DYRK4: variants seen among roughly 807,000 people sequenced by gnomAD.
DYRK4 encodes dual specificity tyrosine phosphorylation regulated kinase 4, also known as dual specificity tyrosine-phosphorylation-regulated kinase 4.
In DYRK4, 64 loss-of-function variants were observed where a neutral mutation model predicts 68.3. That is an observed-to-expected ratio of 0.94 (90% confidence interval 0.77 to 1.15). The LOEUF is 1.15. DYRK4 is among the 50% of genes most tolerant of loss of function. The pLI, the probability that DYRK4 is intolerant of heterozygous loss-of-function variation, is 0.00. For synonymous variants in DYRK4, 274 were observed against 289.9 expected (o/e 0.95, Z 0.56); for missense variants, 740 against 764.7 (o/e 0.97, Z 0.38).
At chr12:4,586,256 C>T (rs916759081) in intron 2 of DYRK4, among the ~76,000 whole-genome samples, 5 of 152,084 alleles carry the variant, frequency 3.3e-5, no homozygotes, top group Non-Finnish European at 7.3e-5. Flanking sequence ...CTCCTGTCCC[C>T]TCTAGAGGCA....
chr12:4,567,980 A>G lies in DYRK4; in HGVS notation c.64A>G (p.Arg22Gly). The change falls in exon 2 of 15, where the codon AGG becomes GGG. Residue 22 changes from arginine to glycine, a missense_variant. Arg to Gly is a moderately radical substitution (Grantham distance 125). Around this residue, in one of 3 missense-constraint regions of DYRK4, gnomAD observed 70 missense variants for 71.1 expected, o/e 0.98. Transcript: ENST00000543431. ...TKTQMDAKKP[R>G]KCDLTPFLVL... ...GACTCAAATGGATGCTAAAAAGCCA[A>G]GGAAATGTGATTTGACTCCCTTCCT... 6.5e-7 allele frequency: 1 copy of G among 1,536,156 alleles called. No homozygotes were observed. Among genetic ancestry groups the G allele is most frequent in the South Asian group, 1.2e-5 (1 of 84,068 alleles).
Position 4,591,022 on chromosome 12 carries a change from C to T in DYRK4, c.325-138C>T, listed in dbSNP as rs944167684. On this transcript the variant is annotated intron_variant, in intron 4 of 14. Transcript: ENST00000543431. This position sits in a 1 kb window ranked among gnomAD's most constrained non-coding sequence, Gnocchi z 4.1. ...GAGAGAGGTAGGGAGAACCTTCTGT[C>T]TCTTAATCGCTGTTTTCTCCCTGGA... is the stretch of plus-strand genomic sequence containing the variant. 2.0e-6 allele frequency: 2 copies of T among 998,694 alleles called. No homozygotes were observed. Among genetic ancestry groups the T allele is most frequent in the Non-Finnish European group, 2.9e-6 (2 of 691,362 alleles). The allele number at this position is 998,694 out of a possible 1,614,324, so 61.9% of individuals were successfully genotyped here. A position where few individuals can be genotyped will look rare whatever the true frequency, so the allele number is the denominator to read the frequency against.
Position 4,610,227 on chromosome 12 carries a change from C to G in DYRK4, c.1433C>G (p.Thr478Arg), listed in dbSNP as rs757322889. The G allele has an allele frequency of 1.9e-6, 3 of 1,599,476 alleles. No individual in the cohort carries two copies. Among genetic ancestry groups the G allele is most frequent in the Admixed American group, 3.5e-5 (2 of 57,094 alleles). ...KKRYPDSKDL[T>R]MVLKTYDTSF... ...AGATACCCAGATTCCAAGGACCTCA[C>G]GATGGTGCTGAAAACCTATGACACC... Residue 478 changes from threonine to arginine, a missense_variant, in exon 13 of 15, where the codon ACG (threonine) becomes AGG (arginine). Physicochemically the swap from Thr to Arg is moderately conservative, Grantham distance 71. Transcript: ENST00000543431.
chr12:4,593,183 C>T lies in DYRK4; in HGVS notation c.627+18C>T, dbSNP rs1244585577. On this transcript the variant is annotated intron_variant, in intron 6 of 14. Transcript: ENST00000543431. ...ATCTGAAGGTGATGGGGGTGGGGGCCATGGGAACCTGCAGGGGCCCAGGGA... is the reference window on the plus strand; with the variant it reads ...ATCTGAAGGTGATGGGGGTGGGGGCTATGGGAACCTGCAGGGGCCCAGGGA... 1 of 1,611,010 alleles carries T rather than the reference C, an allele frequency of 6.2e-7. No individual in the cohort carries two copies.
chr12:4,607,163 A>G (rs1426636984), intron 11 of DYRK4, among the ~76,000 whole-genome samples, 164 bp from the exon 12 acceptor site: 1 of 152,220 alleles, frequency 6.6e-6, no homozygotes, highest in Non-Finnish European at 1.5e-5. Flanking sequence ...TAGGAGTTAA[A>G]AGGCCCAGGC....
At chr12:4,573,038 C>G in intron 2 of DYRK4, 5 of 298,542 alleles carry the variant, frequency 1.7e-5, no homozygotes, top group East Asian at 1.0e-4. Context: ...GCTGAAGAGA[C>G]AGCAAACAGC....
intron 10 of DYRK4, among the ~76,000 whole-genome samples, chr12:4,600,207 A>C (rs1298148674): frequency 6.6e-6 from 1 of 152,146 alleles, no homozygotes; most frequent in East Asian, 1.9e-4. Context: ...ATTCTTTTTC[A>C]AGCTAGGATC....
chr12:4,588,534 TGCC>T (rs1348450695), intron 2 of DYRK4, among the ~76,000 whole-genome samples: 1 of 152,228 alleles, frequency 6.6e-6, no homozygotes, highest in African/African-American at 2.4e-5. Flanking sequence ...GGTTCCACTA[TGCC>T]ACCTTCAGAG....
Position 4,607,371 on chromosome 12 carries a change from GAGAC to G in DYRK4, c.1350_1353del (p.Gln450HisfsTer12). On this transcript the variant is annotated frameshift_variant, in exon 12 of 15. Transcript: ENST00000543431. LOFTEE classifies it high-confidence loss of function. Reference sequence around the variant, plus strand: ...CCGGCTTCATTCAGACAGCCTCCAGGAGACAGACATTCTTTGGTAAGTCCTAGTG... The same window carrying G: ...CCGGCTTCATTCAGACAGCCTCCAGGAGACATTCTTTGGTAAGTCCTAGTG... 6.2e-7 allele frequency: 1 copy of G among 1,614,206 alleles called. No homozygotes were observed. Among genetic ancestry groups the G allele is most frequent in the South Asian group, 1.1e-5 (1 of 91,080 alleles).
Position 4,612,602 on chromosome 12 carries a change from A to T in DYRK4, c.1550A>T (p.Gln517Leu). Residue 517 changes from glutamine to leucine, a missense_variant, in exon 14 of 15, where the codon CAG (glutamine) becomes CTG (leucine). Around this residue, in one of 3 missense-constraint regions of DYRK4, gnomAD observed 614 missense variants for 603.7 expected, o/e 1.02. Transcript: ENST00000543431. ...GCCCTCAAGCATGCTTGGATTCATC[A>T]GTCTCGGAACCTCAAGCCACAGCCC... ...DQALKHAWIH[Q>L]SRNLKPQPRP... 1.2e-6 allele frequency: 2 copies of T among 1,614,226 alleles called. No individual in the cohort carries two copies. The highest frequency in any genetic ancestry group is 1.1e-5 in the South Asian group (1 of 91,078).
At chr12:4,586,096 ACCTGTAG>A (rs1441531772) in intron 2 of DYRK4, among the ~76,000 whole-genome samples, 3 of 152,256 alleles carry the variant, frequency 2.0e-5, no homozygotes, top group East Asian at 1.9e-4. Context: ...GGTGGCATGC[ACCTGTAG>A]TCCCAGCTAC....
chr12:4,590,923 G>A (rs1484753883), intron 4 of DYRK4: 1 of 492,908 alleles, frequency 2.0e-6, no homozygotes, highest in African/African-American at 1.9e-5. Context: ...ATGTTGCTGG[G>A]GTTGTCAGCA....
intron 10 of DYRK4, 108 bp from the exon 11 acceptor site, chr12:4,604,806 T>G: frequency 1.4e-6 from 2 of 1,383,134 alleles, no homozygotes; most frequent in Non-Finnish European, 1.9e-6. Context: ...TGCACTTCCC[T>G]TTCACTGCCA....
chr12:4,590,398 C>T lies in DYRK4; in HGVS notation c.282C>T (p.His94=), dbSNP rs71579236. Residue 94 remains histidine (H), a synonymous_variant, in exon 4 of 15, where the codon CAC becomes CAT. Coordinates refer to ENST00000543431, the MANE Select transcript of DYRK4 (RefSeq NM_001394779.1). ...KGKKNTVSFP[H]ISKKVLLKSS... ...AGAAGAATACGGTAAGCTTCCCACACATTAGCAAGAAAGTCCTGCTGAAGT... is the reference window on the plus strand; with the variant it reads ...AGAAGAATACGGTAAGCTTCCCACATATTAGCAAGAAAGTCCTGCTGAAGT... The T allele has an allele frequency of 6.5e-7, 1 of 1,536,026 alleles. No homozygotes were observed. Among genetic ancestry groups the T allele is most frequent in the South Asian group, 1.2e-5 (1 of 84,026 alleles).
chr12:4,565,143 C>T (rs78589855), intron 1 of DYRK4, among the ~76,000 whole-genome samples: 112 of 152,310 alleles, frequency 7.4e-4, no homozygotes, highest in African/African-American at 2.7e-3. Flanking sequence ...ATATAAAAAG[C>T]AGTTTAATTC....
chr12:4,596,750 A>G (rs775284728), intron 8 of DYRK4, 21 bp downstream of exon 8: 2 of 1,612,008 alleles, frequency 1.2e-6, no homozygotes, highest in African/African-American at 1.3e-5. Context: ...TTTTCTTCTT[A>G]ACTCATTTTC....
chr12:4,602,238 C>T lies in DYRK4; in HGVS notation c.1126+2450C>T, dbSNP rs552158585. ...TCTGCTTTGCTTGCTGAATTCTCCT[C>T]ATTTCTAAGACCTGCTCTCTTTTCT... is the stretch of plus-strand genomic sequence containing the variant. On this transcript the variant is annotated intron_variant, in intron 10 of 14. Coordinates refer to ENST00000543431, the MANE Select transcript of DYRK4 (RefSeq NM_001394779.1). 21 of 1,062,522 alleles carry T rather than the reference C, an allele frequency of 2.0e-5. No individual in the cohort carries two copies. In the African/African-American group the frequency reaches 3.1e-4, roughly 16 times the overall value. The allele number at this position is 1,062,522 out of a possible 1,614,324, so 65.8% of individuals were successfully genotyped here.
intron 10 of DYRK4, chr12:4,602,711 C>A: frequency 6.8e-7 from 1 of 1,481,282 alleles, no homozygotes. Flanking sequence ...GGCAAATACC[C>A]CTGACTCTTC....
At chr12:4,564,876 G>A (rs1350416528) in intron 1 of DYRK4, among the ~76,000 whole-genome samples, 3 of 152,096 alleles carry the variant, frequency 2.0e-5, no homozygotes, top group Non-Finnish European at 4.4e-5. Flanking sequence ...CAATCAATAT[G>A]AGACAAAAAA....
Sources: gnomAD v4.1 joint callset for allele counts (sites outside exome capture counted in the v4.1 genomes callset) on GRCh38, gnomAD v4.1.1 for gene constraint, gnomAD v4.1.1 regional missense constraint, Gnocchi (gnomAD v3.1) non-coding constraint, MANE v1.5 for transcripts, NCBI Gene and HGNC (gene_info 2026-07-23, HGNC 2026-07-21) for gene names.